DLGAP2: variants seen among roughly 807,000 people sequenced by gnomAD.
DLGAP2 encodes DLG associated protein 2.
In DLGAP2, 26 loss-of-function variants were observed where a neutral mutation model predicts 100.3. The observed-to-expected ratio is 0.26, with a 90% CI of 0.19 to 0.36. DLGAP2 has a LOEUF of 0.36. Among genes scored for constraint, DLGAP2 ranks in the 10% least tolerant of loss-of-function variants. The pLI, the probability that DLGAP2 is intolerant of heterozygous loss-of-function variation, is 1.00. For synonymous variants in DLGAP2, 886 were observed against 630.1 expected, an observed-to-expected ratio of 1.41 and a Z score of -6.08; for missense variants, 1,858 against 1,453.2, an observed-to-expected ratio of 1.28 and a Z score of -4.53.
At chr8:927,937 C>T (rs575171559) in intron 2 of DLGAP2, among the ~76,000 whole-genome samples, 5 of 152,326 alleles carry the variant, frequency 3.3e-5, no homozygotes, top group African/African-American at 1.2e-4. Context: ...CAGTGCCAGG[C>T]CCATCAGATG....
chr8:1,369,713 C>G (rs1344117204), intron 3 of DLGAP2: 1 of 152,310 alleles, frequency 6.6e-6, no homozygotes, highest in Non-Finnish European at 1.5e-5. Flanking sequence ...GCTTTTCCAA[C>G]TTACCCTAGC....
chr8:1,479,802 C>T (rs954241966), intron 3 of DLGAP2, among the ~76,000 whole-genome samples: 3 of 152,226 alleles, frequency 2.0e-5, no homozygotes, highest in South Asian at 2.1e-4. Flanking sequence ...CTCTGCGTTG[C>T]GATAAAGTAA....
intron 2 of DLGAP2, among the ~76,000 whole-genome samples, chr8:1,009,563 C>T (rs968863102): frequency 6.6e-6 from 1 of 152,164 alleles, no homozygotes; most frequent in Non-Finnish European, 1.5e-5. Context: ...TTTTTGAGCT[C>T]ACACTGTTCA....
At chr8:1,281,886 C>G (rs895218051) in intron 3 of DLGAP2, among the ~76,000 whole-genome samples, 3 of 152,230 alleles carry the variant, frequency 2.0e-5, no homozygotes, top group East Asian at 1.9e-4. Context: ...AAGAGACGTT[C>G]AAACCACAGC....
chr8:1,355,092 T>C (rs1261940744), intron 3 of DLGAP2, among the ~76,000 whole-genome samples: 3 of 152,126 alleles, frequency 2.0e-5, no homozygotes, highest in Non-Finnish European at 2.9e-5. Context: ...CGGATGATTC[T>C]GTGGATGAAG....
rs901039370 is a variant in DLGAP2, at chr8:787,628, A to G, written c.18+49803A>G. On this transcript the variant is annotated intron_variant, in intron 1 of 14. Transcript: ENST00000637795. ...CTGGCAGCGCCCGGAGTCAGGTTCC[A>G]CCAGCCGGTGGCCTCTTCCCCCCTT... 5.9e-5 allele frequency among the ~76,000 whole-genome samples: 9 copies of G among 152,208 alleles called. No homozygotes were observed. In the East Asian group the frequency reaches 1.7e-3, roughly 29 times the overall value.
At chr8:935,840 G>A (rs1799058503) in intron 2 of DLGAP2, among the ~76,000 whole-genome samples, 3 of 152,190 alleles carry the variant, frequency 2.0e-5, no homozygotes, top group Admixed American at 6.5e-5. Flanking sequence ...TTTTCAGGGA[G>A]TATGAGTGTT....
intron 2 of DLGAP2, among the ~76,000 whole-genome samples, chr8:1,117,415 G>A (rs1445723085): frequency 6.6e-6 from 1 of 152,222 alleles, no homozygotes; most frequent in Non-Finnish European, 1.5e-5. Flanking sequence ...TGGGTTATGG[G>A]TGATCAAGTG....
chr8:1,250,469 A>C (rs1267901066), intron 2 of DLGAP2: 5 of 152,200 alleles, frequency 3.3e-5, no homozygotes, highest in African/African-American at 4.8e-5. Context: ...TGTTCGCTGA[A>C]GGAAGAAGGG....
chr8:1,370,642 C>G (rs1411111474), intron 3 of DLGAP2, among the ~76,000 whole-genome samples: 2 of 152,204 alleles, frequency 1.3e-5, no homozygotes, highest in African/African-American at 2.4e-5. Context: ...CTGTCACACC[C>G]AATGAGGATT....
At chr8:1,410,745 A>T (rs1418073702) in intron 3 of DLGAP2, among the ~76,000 whole-genome samples, 2 of 151,832 alleles carry the variant, frequency 1.3e-5, no homozygotes, top group African/African-American at 2.4e-5. Flanking sequence ...AGAGATGCTG[A>T]TTTGGAACCT....
At chr8:789,650 C>T (rs1381824515) in intron 1 of DLGAP2, among the ~76,000 whole-genome samples, 1 of 152,222 alleles carries the variant, frequency 6.6e-6, no homozygotes, top group South Asian at 2.1e-4. Context: ...TTCTAGATAG[C>T]CCCCAAAGTG....
At chr8:1,057,518 C>T (rs372077849) in intron 2 of DLGAP2, among the ~76,000 whole-genome samples, 4 of 152,316 alleles carry the variant, frequency 2.6e-5, no homozygotes. Flanking sequence ...TTCAGCTCTT[C>T]GTTTGTTGTC....
Position 1,063,782 on chromosome 8 carries a change from C to T in DLGAP2, c.73+155816C>T, listed in dbSNP as rs1442964631. Among the ~76,000 whole-genome samples, 3 of 152,136 alleles carry T rather than the reference C, an allele frequency of 2.0e-5. No homozygotes were observed. The East Asian group carries it at 5.8e-4, about 29-fold the overall frequency. On this transcript the variant is annotated intron_variant, in intron 2 of 14. Coordinates refer to ENST00000637795, the MANE Select transcript of DLGAP2 (RefSeq NM_001346810.2). ...TTGTGCATATTTAGGTGGGTATCGA[C>T]TATTTCATTCATAATTTTGTTCCCA...
At chr8:1,666,904 C>G (rs1438934370) in intron 8 of DLGAP2, among the ~76,000 whole-genome samples, 1 of 152,152 alleles carries the variant, frequency 6.6e-6, no homozygotes, top group East Asian at 1.9e-4. Context: ...GTGTTTCCAC[C>G]TGCAGCAGCC....
chr8:865,110 C>T (rs1310711874), intron 1 of DLGAP2, among the ~76,000 whole-genome samples: 2 of 152,170 alleles, frequency 1.3e-5, no homozygotes, highest in Middle Eastern at 3.4e-3. Flanking sequence ...CTGTAGGACC[C>T]CCAGGGAACA....
Position 1,562,608 on chromosome 8 carries a change from T to G in DLGAP2, c.1231-3075T>G, listed in dbSNP as rs1802213704. Among the ~76,000 whole-genome samples, 2 of 54,654 alleles carry G rather than the reference T, an allele frequency of 3.7e-5. 1 individual carries two copies. The highest frequency in any genetic ancestry group is 7.1e-5 in the Non-Finnish European group (2 of 28,206). 35.9% of individuals were successfully genotyped at this position (54,654 alleles called of 152,430 possible). On this transcript the variant is annotated intron_variant, in intron 5 of 14. Transcript: ENST00000637795. ...GTGGTGTTGGGTGTCCGCGCCTCGT[T>G]GCTCGGGGACTGTGTGGTGTTGGGG...
intron 3 of DLGAP2, among the ~76,000 whole-genome samples, chr8:1,372,308 G>A (rs967470973): frequency 1.4e-5 from 2 of 141,314 alleles, no homozygotes; most frequent in East Asian, 2.0e-4. Context: ...ACGCTGGGAC[G>A]CTGGTCACCG....
chr8:1,459,692 T>TTA (rs1190840749), intron 3 of DLGAP2, among the ~76,000 whole-genome samples: 1 of 148,252 alleles, frequency 6.7e-6, no homozygotes, highest in East Asian at 2.0e-4. Context: ...TTCTTTTTTT[T>TTA]TTTTTTTTTT....
Sources: allele counts gnomAD v4.1 joint callset (sites outside exome capture counted in the v4.1 genomes callset), GRCh38; gene constraint gnomAD v4.1.1; transcripts MANE v1.5; gene names NCBI Gene and HGNC (gene_info 2026-07-23, HGNC 2026-07-21).